ALB: variants seen among roughly 807,000 people sequenced by gnomAD.
ALB encodes albumin.
Under a neutral mutation model 74.5 loss-of-function variants are expected in ALB, and 37 were observed. The ratio of observed to expected loss-of-function variants is 0.50; its 90% confidence interval spans 0.38 to 0.65. The LOEUF is 0.65. Ranked by LOEUF, ALB falls within the 30% of genes least tolerant of loss-of-function variation. ALB has a pLI of 0.00. For synonymous variants in ALB, 249 were observed against 251.6 expected (o/e 0.99, Z 0.10); for missense variants, 685 against 718.7 (o/e 0.95, Z 0.54).
Position 73,418,270 on chromosome 4 carries a change from A to G in ALB, c.1611A>G (p.Ile537Met), listed in dbSNP as rs1324428292. 5.6e-6 allele frequency: 9 copies of G among 1,614,092 alleles called. No individual in the cohort carries two copies. The highest frequency in any genetic ancestry group is 2.2e-5 in the East Asian group (1 of 44,878). Residue 537 changes from isoleucine to methionine, a missense_variant, in exon 12 of 15, where the codon ATA becomes ATG. By Grantham distance (10) the Ile-to-Met change is conservative. Transcript: ENST00000295897. ...NAETFTFHAD[I>M]CTLSEKERQI... Reference sequence around the variant, plus strand: ...AAACATTCACCTTCCATGCAGATATATGCACACTTTCTGAGAAGGAGAGAC... The same window carrying G: ...AAACATTCACCTTCCATGCAGATATGTGCACACTTTCTGAGAAGGAGAGAC...
rs1300456321 is a variant in ALB at position 73,404,923 on chromosome 4, A to G, written c.80-193A>G. The G allele has an allele frequency of 6.5e-6, 4 of 617,940 alleles. No individual in the cohort carries two copies. The African/African-American group carries it at 7.4e-5, about 11-fold the overall frequency. The allele number at this position is 617,940 out of a possible 1,614,324, so 38.3% of individuals were successfully genotyped here. Reference sequence around the variant, plus strand: ...AATTTTTAAAATAGTATTCTTGGTAATTGAATTATTCTTCTGTTTAAAGGC... The same window carrying G: ...AATTTTTAAAATAGTATTCTTGGTAGTTGAATTATTCTTCTGTTTAAAGGC... On this transcript the variant is annotated intron_variant, in intron 1 of 14. Transcript: ENST00000295897.
At chr4:73,415,226 A>G (rs748428791) in intron 9 of ALB, 59 bp downstream of exon 9, 214 of 1,584,468 alleles carry the variant, frequency 1.4e-4, no homozygotes, top group Non-Finnish European at 1.8e-4. Context: ...ATAATGAGAA[A>G]GAAAAATAAT....
At chr4:73,407,781 C>A (rs189012514) in intron 3 of ALB, among the ~76,000 whole-genome samples, 18 of 152,246 alleles carry the variant, frequency 1.2e-4, no homozygotes, top group Non-Finnish European at 2.5e-4. Context: ...ATTTCCAGAT[C>A]AATCTTCAAA....
Position 73,420,989 on chromosome 4 carries a change from A to T in ALB, c.*24-103A>T, listed in dbSNP as rs574611065. On this transcript the variant is annotated intron_variant, in intron 14 of 14. Transcript: ENST00000295897. ...GCTTAAATTGTTTTCACTGGTGTAAATTGCAGAAAGATGATCTAAGTAATT... is the reference window on the plus strand; with the variant it reads ...GCTTAAATTGTTTTCACTGGTGTAATTTGCAGAAAGATGATCTAAGTAATT... 13 of 613,270 alleles carry T rather than the reference A, an allele frequency of 2.1e-5. No homozygotes were observed. The East Asian group carries it at 3.7e-4, about 17-fold the overall frequency. 38.0% of individuals were successfully genotyped at this position (613,270 alleles called of 1,614,324 possible). A position where few individuals can be genotyped will look rare whatever the true frequency, so the allele number is the denominator to read the frequency against.
chr4:73,410,260 G>C, intron 5 of ALB, 52 bp from the exon 6 acceptor site: 1 of 1,446,486 alleles, frequency 6.9e-7, no homozygotes, highest in South Asian at 1.1e-5. Context: ...ATGGAGGGGT[G>C]TTTCATGTAG....
At position 73,418,098 on chromosome 4, in the gene ALB, T is replaced by C. The variant is rs1719061317; in HGVS notation, c.1439T>C (p.Val480Ala). 6.2e-7 allele frequency: 1 copy of C among 1,613,988 alleles called. No homozygotes were observed. The highest frequency in any genetic ancestry group is 1.3e-5 in the African/African-American group (1 of 74,926). Reference sequence around the variant, plus strand: ...CTGCCTGTTCTTTAGCTATCCGTGGTCCTGAACCAGTTATGTGTGTTGCAT... The same window carrying C: ...CTGCCTGTTCTTTAGCTATCCGTGGCCCTGAACCAGTTATGTGTGTTGCAT... Reference protein sequence around the residue: ...MPCAEDYLSVVLNQLCVLHEK... With the variant: ...MPCAEDYLSVALNQLCVLHEK... Residue 480 changes from valine (V) to alanine (A), a missense_variant, in exon 12 of 15, where the codon GTC becomes GCC. Physicochemically the swap from Val to Ala is moderately conservative, Grantham distance 64. Coordinates refer to ENST00000295897, the MANE Select transcript of ALB (RefSeq NM_000477.7).
In ALB at chr4:73,405,110, G is replaced by A; in HGVS notation, c.80-6G>A. 6.2e-7 allele frequency: 1 copy of A among 1,611,612 alleles called. No homozygotes were observed. The highest frequency in any genetic ancestry group is 8.5e-7 in the Non-Finnish European group (1 of 1,178,906). On this transcript the variant is annotated splice_polypyrimidine_tract_variant and splice_region_variant and intron_variant, in intron 1 of 14. Coordinates refer to ENST00000295897, the MANE Select transcript of ALB (RefSeq NM_000477.7). Reference sequence around the variant, plus strand: ...TAACAATCCTTTTTTTTCTTCCCTTGCCCAGACAAGAGTGAGGTTGCTCAT... The same window carrying A: ...TAACAATCCTTTTTTTTCTTCCCTTACCCAGACAAGAGTGAGGTTGCTCAT...
intron 7 of ALB, among the ~76,000 whole-genome samples, chr4:73,412,953 A>G: frequency 6.6e-6 from 1 of 152,170 alleles, no homozygotes. Flanking sequence ...ATGGGCAAAT[A>G]CTAGAATCCT....
intron 6 of ALB, among the ~76,000 whole-genome samples, chr4:73,410,807 C>T (rs56285841): frequency 0.026 from 3,974 of 152,074 alleles, 58 homozygotes; most frequent in South Asian, 0.05. Flanking sequence ...TACATATTTA[C>T]GGGGTATATG....
chr4:73,408,966 T>C, intron 4 of ALB, 161 bp downstream of exon 4: 1 of 648,772 alleles, frequency 1.5e-6, no homozygotes, highest in Non-Finnish European at 2.6e-6. Flanking sequence ...TACCACAAAA[T>C]TCTACACAGC....
intron 5 of ALB, among the ~76,000 whole-genome samples, chr4:73,410,079 A>G (rs973392089): frequency 6.6e-6 from 1 of 152,100 alleles, no homozygotes; most frequent in Non-Finnish European, 1.5e-5. Context: ...TTTCCTGGCA[A>G]TGTTTCCAGT....
rs1359715511 is a variant in ALB at position 73,410,409 on chromosome 4, G to T, written c.713G>T (p.Trp238Leu). ...TTTGGAGAAAGAGCTTTCAAAGCATGGTAAATACTTTTAAACATAGTTGGC... is the reference window on the plus strand; with the variant it reads ...TTTGGAGAAAGAGCTTTCAAAGCATTGTAAATACTTTTAAACATAGTTGGC... ...QKFGERAFKAWAVARLSQRFP... is the reference protein window; with the variant it reads ...QKFGERAFKALAVARLSQRFP... The change falls in exon 6 of 15, where the codon TGG (tryptophan) becomes TTG (leucine). Residue 238 changes from tryptophan (W) to leucine (L), a missense_variant and splice_region_variant. By Grantham distance (61) the Trp-to-Leu change is moderately conservative. Transcript: ENST00000295897. The T allele has an allele frequency of 3.1e-6, 5 of 1,594,262 alleles. No individual in the cohort carries two copies. Among genetic ancestry groups the T allele is most frequent in the Non-Finnish European group, 4.3e-6 (5 of 1,162,158 alleles).
chr4:73,416,738 A>T (rs1036195391), intron 10 of ALB, among the ~76,000 whole-genome samples: 17 of 152,348 alleles, frequency 1.1e-4, no homozygotes, highest in African/African-American at 4.1e-4. Context: ...ATGTAAGCTG[A>T]ACACAAAAAT....
chr4:73,408,808 A>G lies in ALB; in HGVS notation c.482+3A>G, dbSNP rs780478043. On this transcript the variant is annotated splice_donor_region_variant and intron_variant, in intron 4 of 14. Coordinates refer to ENST00000295897, the MANE Select transcript of ALB (RefSeq NM_000477.7). ...AATGAAGAGACATTTTTGAAAAAGT[A>G]AGTAATCAGATGTTTATAGTTCAAA... 9.9e-6 allele frequency: 16 copies of G among 1,611,688 alleles called. No individual in the cohort carries two copies.
chr4:73,420,698 C>A lies in ALB; in HGVS notation c.*23+377C>A, dbSNP rs558077669. 1.5e-5 allele frequency: 4 copies of A among 271,480 alleles called. No individual in the cohort carries two copies. The Admixed American group carries it at 2.0e-4, about 13-fold the overall frequency. 16.8% of individuals were successfully genotyped at this position (271,480 alleles called of 1,614,324 possible). On this transcript the variant is annotated intron_variant, in intron 14 of 14. Coordinates refer to ENST00000295897, the MANE Select transcript of ALB (RefSeq NM_000477.7). ...GGAATACTCTGGGAATTAGGCTGAACCACATGAAAGAGTGCTTTATAGGGC... is the reference window on the plus strand; with the variant it reads ...GGAATACTCTGGGAATTAGGCTGAAACACATGAAAGAGTGCTTTATAGGGC...
At chr4:73,421,034 T>C (rs541955476) in intron 14 of ALB, 58 bp from the exon 15 acceptor site, 1 of 662,904 alleles carries the variant, frequency 1.5e-6, no homozygotes, top group African/African-American at 1.8e-5. Flanking sequence ...TTTTAATAGG[T>C]TTGAAAAACA....
At chr4:73,419,709 G>C (rs1719100546) in intron 13 of ALB, 70 bp downstream of exon 13, 4 of 1,565,610 alleles carry the variant, frequency 2.6e-6, no homozygotes, top group South Asian at 1.1e-5. Flanking sequence ...CTAGGGCTTA[G>C]GGATTTATAT....
intron 3 of ALB, 129 bp downstream of exon 3, chr4:73,406,890 G>T: frequency 1.9e-6 from 2 of 1,059,114 alleles, no homozygotes; most frequent in Non-Finnish European, 2.7e-6. Context: ...CTAAAAAGTT[G>T]CTCATAGACT....
rs189891919 is a variant in ALB at position 73,409,258 on chromosome 4, T to G, written c.483-97T>G. The G allele has an allele frequency of 5.1e-3, 6,842 of 1,335,874 alleles. 27 individuals carry two copies. Among genetic ancestry groups the G allele is most frequent in the Non-Finnish European group, 6.5e-3 (6,129 of 943,636 alleles). 82.8% of individuals were successfully genotyped at this position (1,335,874 alleles called of 1,614,324 possible). A position where few individuals can be genotyped will look rare whatever the true frequency, so the allele number is the denominator to read the frequency against. On this transcript the variant is annotated intron_variant, in intron 4 of 14. Coordinates refer to ENST00000295897, the MANE Select transcript of ALB (RefSeq NM_000477.7). ...AGCTTAATTGGTTAATTAGATATCT[T>G]TGGAATTTGGAGGTTCTGGGGAGAA...
Sources: allele counts gnomAD v4.1 joint callset (sites outside exome capture counted in the v4.1 genomes callset), GRCh38; gene constraint gnomAD v4.1.1; transcripts MANE v1.5; gene names NCBI Gene and HGNC (gene_info 2026-07-23, HGNC 2026-07-21).